The following PIEZO2 variants were observed in gnomAD, a reference collection of about 807,000 sequenced individuals.
PIEZO2 encodes piezo-type mechanosensitive ion channel component 2.
In PIEZO2, 172 loss-of-function variants were observed where a neutral mutation model predicts 337.3. The ratio of observed to expected loss-of-function variants is 0.51; its 90% CI spans 0.45 to 0.58. The LOEUF (loss-of-function observed/expected upper bound fraction) is 0.58. PIEZO2 is among the 20% of genes least tolerant of loss of function. PIEZO2 has a pLI of 0.00. For missense variants in PIEZO2, 3,028 were observed against 3,391.3 expected (o/e 0.89, Z 2.66); for synonymous variants, 1,251 against 1,228.5 (o/e 1.02, Z -0.38).
At position 10,862,645 on chromosome 18, in the gene PIEZO2, T is replaced by C. The variant is rs940408291; in HGVS notation, c.493-5434A>G. Among the ~76,000 whole-genome samples the C allele has an allele frequency of 2.0e-5, 3 of 152,184 alleles. No homozygotes were observed. Among genetic ancestry groups the C allele is most frequent in the Non-Finnish European group, 2.9e-5 (2 of 68,048 alleles). ...ACTGGGTTGGAATAAATCCTAAGGA[T>C]CACCTGGGGACCTTTAAGAGGGCAG... On this transcript the variant is annotated intron_variant, in intron 5 of 55. Coordinates refer to ENST00000674853, the MANE Select transcript of PIEZO2 (RefSeq NM_001378183.1). The surrounding 1 kb of genome is among the most constrained non-coding windows in gnomAD (Gnocchi z 4.4).
intron 3 of PIEZO2, among the ~76,000 whole-genome samples, chr18:10,955,308 AG>A (rs2033470029): frequency 6.6e-6 from 1 of 152,238 alleles, no homozygotes; most frequent in Non-Finnish European, 1.5e-5. Context: ...AAACGAAAAC[AG>A]AAGAGCAAGA....
chr18:10,968,125 A>T (rs764951004), intron 3 of PIEZO2, among the ~76,000 whole-genome samples: 1 of 152,126 alleles, frequency 6.6e-6, no homozygotes, highest in East Asian at 1.9e-4. Context: ...TGATTTTTGT[A>T]TAAGGTAAGA....
intron 2 of PIEZO2, among the ~76,000 whole-genome samples, chr18:11,029,432 G>C (rs1262088675): frequency 6.6e-6 from 1 of 152,110 alleles, no homozygotes; most frequent in Non-Finnish European, 1.5e-5. Flanking sequence ...CTCTATCTCT[G>C]TATCTCTATG....
intron 5 of PIEZO2, among the ~76,000 whole-genome samples, chr18:10,867,213 C>A (rs1480278083): frequency 6.6e-6 from 1 of 152,170 alleles, no homozygotes; most frequent in African/African-American, 2.4e-5. Flanking sequence ...AGACTTTAGA[C>A]TAAATCTCAG....
rs1233707418 is a variant in PIEZO2, at chr18:10,952,927, T to C, written c.286+26608A>G. ...CCCTCCCTCCCTCCTTCCTTCCTTCTTTTTTTCATTCTAAGAAGTATATAG... is the reference window on the plus strand; with the variant it reads ...CCCTCCCTCCCTCCTTCCTTCCTTCCTTTTTTCATTCTAAGAAGTATATAG... On this transcript the variant is annotated intron_variant, in intron 3 of 55. Transcript: ENST00000674853. This position sits in a 1 kb window ranked among gnomAD's most constrained non-coding sequence, Gnocchi z 4.1. 1.3e-5 allele frequency among the ~76,000 whole-genome samples: 2 copies of C among 151,588 alleles called. No homozygotes were observed. The highest frequency in any genetic ancestry group is 2.9e-5 in the Non-Finnish European group (2 of 67,896).
chr18:10,829,371 C>A (rs867927775), intron 7 of PIEZO2, among the ~76,000 whole-genome samples: 2 of 152,124 alleles, frequency 1.3e-5, no homozygotes, highest in African/African-American at 2.4e-5. Context: ...ATTCTGAAAG[C>A]CTTTCCTCTA....
At position 10,689,792 on chromosome 18, in the gene PIEZO2, C is replaced by A. The variant is rs202161305; in HGVS notation, c.7360G>T (p.Val2454Leu). The change falls in exon 49 of 56, where the codon GTG becomes TTG. Residue 2454 changes from valine (V) to leucine (L), a missense_variant. Coordinates refer to ENST00000674853, the MANE Select transcript of PIEZO2 (RefSeq NM_001378183.1). ...GCCCTCAGCTCAGTCAAAAAGGGCA[C>A]GAGGCGAAACCTGGCAGGAAACACA... ...NLFLFQGFRL[V>L]PFLTELRAVM... 1.2e-6 allele frequency: 2 copies of A among 1,608,932 alleles called. No homozygotes were observed. The highest frequency in any genetic ancestry group is 1.7e-6 in the Non-Finnish European group (2 of 1,177,030).
At chr18:11,066,628 T>G (rs1391138962) in intron 1 of PIEZO2, among the ~76,000 whole-genome samples, 2 of 152,190 alleles carry the variant, frequency 1.3e-5, no homozygotes, top group Non-Finnish European at 1.5e-5. Context: ...GTGACTGAGT[T>G]TTGCCCTGTT....
rs908356745 is a variant in PIEZO2, at chr18:11,099,187, A to G, written c.65-32965T>C. On this transcript the variant is annotated intron_variant, in intron 1 of 55. Transcript: ENST00000674853. The surrounding 1 kb of genome is among the most constrained non-coding windows in gnomAD (Gnocchi z 5.4). Reference sequence around the variant, plus strand: ...CTGGACTGACATTTCACTATTTTTTACAGTCCTGCATTCAGAAGTCTTATA... The same window carrying G: ...CTGGACTGACATTTCACTATTTTTTGCAGTCCTGCATTCAGAAGTCTTATA... Among the ~76,000 whole-genome samples the G allele has an allele frequency of 6.6e-6, 1 of 152,164 alleles. No homozygotes were observed. Among genetic ancestry groups the G allele is most frequent in the Non-Finnish European group, 1.5e-5 (1 of 68,016 alleles).
In PIEZO2 at chr18:10,676,034, G is replaced by A. The variant is rs142455698; in HGVS notation, c.8082-746C>T. Among the ~76,000 whole-genome samples, 8 of 152,198 alleles carry A rather than the reference G, an allele frequency of 5.3e-5. No individual in the cohort carries two copies. Among genetic ancestry groups the A allele is most frequent in the Admixed American group, 2.0e-4 (3 of 15,274 alleles). ...CAGTCTCAGGTATGTGTTTATTAGC[G>A]GTATGAGAATGGACTAATACACAAG... On this transcript the variant is annotated intron_variant, in intron 53 of 55. Coordinates refer to ENST00000674853, the MANE Select transcript of PIEZO2 (RefSeq NM_001378183.1). This position sits in a 1 kb window ranked among gnomAD's most constrained non-coding sequence, Gnocchi z 5.1.
At chr18:10,791,489 G>T in intron 13 of PIEZO2, 165 bp from the exon 14 acceptor site, 1 of 680,182 alleles carries the variant, frequency 1.5e-6, no homozygotes, top group Non-Finnish European at 2.1e-6. Context: ...GAGATTCACT[G>T]CTTTTAAGTC....
rs569945604 is a variant in PIEZO2 at position 10,913,591 on chromosome 18, T to C, written c.287-2363A>G. Among the ~76,000 whole-genome samples the C allele has an allele frequency of 2.6e-5, 4 of 152,308 alleles. No individual in the cohort carries two copies. In the South Asian group the frequency reaches 6.2e-4, roughly 24 times the overall value. On this transcript the variant is annotated intron_variant, in intron 3 of 55. Transcript: ENST00000674853. ...AGGTTCCATTTATTATTCAGGTAAA[T>C]TTTTTAATTTAAATGATTTTGCTAT... is the stretch of plus-strand genomic sequence containing the variant.
chr18:10,714,784 A>G lies in PIEZO2; in HGVS notation c.5403T>C (p.Asp1801=), dbSNP rs767484384. 3.9e-6 allele frequency: 6 copies of G among 1,537,222 alleles called. No individual in the cohort carries two copies. The South Asian group carries it at 7.1e-5, about 18-fold the overall frequency. The stretch of plus-strand genomic sequence containing the variant: ...AATACCTGGAGATACTGTCATGTGA[A>G]TCTAAACTATCCATCCTGTGGGCTG... The part of the protein sequence containing the change: ...AQTAHRMDSL[D]SHDSISSCYT... Residue 1801 remains aspartate (D), a synonymous_variant, in exon 39 of 56, where the codon GAT becomes GAC. Transcript: ENST00000674853.
intron 4 of PIEZO2, among the ~76,000 whole-genome samples, chr18:10,873,767 TA>T (rs1396787979): frequency 8.5e-5 from 13 of 152,236 alleles, no homozygotes; most frequent in Non-Finnish European, 1.5e-5. Flanking sequence ...AGATTTGCTT[TA>T]AAAAATGGTC....
chr18:11,056,728 TC>T (rs2037744387), intron 2 of PIEZO2, among the ~76,000 whole-genome samples: 1 of 151,890 alleles, frequency 6.6e-6, no homozygotes, highest in African/African-American at 2.4e-5. Flanking sequence ...CAGGAGAAGG[TC>T]CAGAAATGGC....
intron 1 of PIEZO2, among the ~76,000 whole-genome samples, chr18:11,115,399 G>T (rs879703843): frequency 2.0e-5 from 3 of 152,102 alleles, no homozygotes; most frequent in Non-Finnish European, 4.4e-5. Flanking sequence ...TTCTTCTGAG[G>T]TCATGAAGGA....
intron 3 of PIEZO2, among the ~76,000 whole-genome samples, chr18:10,911,863 C>T (rs1200150225): frequency 1.3e-5 from 2 of 152,134 alleles, no homozygotes; most frequent in Non-Finnish European, 2.9e-5. Flanking sequence ...CAATAATTCT[C>T]TAAAAATCTA....
chr18:10,913,492 T>A (rs1312674062), intron 3 of PIEZO2, among the ~76,000 whole-genome samples: 1 of 152,212 alleles, frequency 6.6e-6, no homozygotes. Context: ...TTTCTACATT[T>A]CCACTGTTTT....
intron 36 of PIEZO2, among the ~76,000 whole-genome samples, chr18:10,718,923 G>A (rs2036127601): frequency 6.6e-6 from 1 of 151,652 alleles, no homozygotes; most frequent in African/African-American, 2.4e-5. Flanking sequence ...TTGAACCTGG[G>A]AGCCGTGATT....
Sources: allele counts gnomAD v4.1 joint callset (sites outside exome capture counted in the v4.1 genomes callset), GRCh38; gene constraint gnomAD v4.1.1; non-coding constraint Gnocchi (gnomAD v3.1); transcripts MANE v1.5; gene names NCBI Gene and HGNC (gene_info 2026-07-23, HGNC 2026-07-21).